The following CDC73 variants were observed in gnomAD, a reference collection of about 807,000 sequenced individuals.
CDC73 encodes the protein parafibromin.
CDC73 carries 21 observed loss-of-function variants against 83.7 expected under a neutral mutation model. The observed-to-expected ratio is 0.25, with a 90% CI of 0.18 to 0.36. CDC73 has a LOEUF of 0.36. Ranked by LOEUF, CDC73 falls within the 10% of genes least tolerant of loss-of-function variation. The probability of loss-of-function intolerance (pLI) is 1.00; values close to 1 mark genes in which losing one functional copy is unlikely to be tolerated. For synonymous variants in CDC73, 224 were observed against 212.9 expected (o/e 1.05, Z -0.45); for missense variants, 342 against 653.3 (o/e 0.52, Z 5.19).
chr1:193,147,284 G>A (rs558918720), intron 7 of CDC73, among the ~76,000 whole-genome samples: 2 of 152,076 alleles, frequency 1.3e-5, no homozygotes, highest in South Asian at 4.1e-4. Flanking sequence ...GAGCCACCGT[G>A]CCCGGCCTTA....
intron 16 of CDC73, 114 bp downstream of exon 16, chr1:193,249,985 CA>C: frequency 1.1e-6 from 1 of 950,180 alleles, no homozygotes; most frequent in Non-Finnish European, 1.7e-6. Flanking sequence ...CTTCTTTCAA[CA>C]TTAACTTGAT....
chr1:193,192,682 C>T (rs911076399), intron 10 of CDC73, among the ~76,000 whole-genome samples: 1 of 152,144 alleles, frequency 6.6e-6, no homozygotes, highest in African/African-American at 2.4e-5. Context: ...TACTCAGACA[C>T]TGATATTCAG....
chr1:193,178,955 A>G (rs183779981), intron 10 of CDC73: 304 of 152,270 alleles, frequency 2.0e-3, no homozygotes, highest in African/African-American at 7.0e-3. Context: ...GAATAAAAAC[A>G]CTATTTTAGT....
intron 1 of CDC73, among the ~76,000 whole-genome samples, chr1:193,124,715 G>A (rs1675532775): frequency 6.6e-6 from 1 of 152,166 alleles, no homozygotes; most frequent in Admixed American, 6.5e-5. Context: ...TTTATCAAGA[G>A]CCATAGGATA....
intron 10 of CDC73, among the ~76,000 whole-genome samples, chr1:193,183,255 A>G (rs950475106): frequency 2.6e-5 from 4 of 151,540 alleles, no homozygotes; most frequent in African/African-American, 4.8e-5. Flanking sequence ...AATTTGAACA[A>G]ATATCTAAGG....
At position 193,246,377 on chromosome 1, in the gene CDC73, A is replaced by C. The variant is rs549517809; in HGVS notation, c.1418-3353A>C. Among the ~76,000 whole-genome samples, 3 of 152,206 alleles carry C rather than the reference A, an allele frequency of 2.0e-5. No homozygotes were observed. The South Asian group carries it at 6.2e-4, about 32-fold the overall frequency. ...ATTTATTGAAGACTGTCTTTTCCCC[A>C]GTGGAAGTTAAATTGTTCTTGTTTG... On this transcript the variant is annotated intron_variant, in intron 15 of 16. Coordinates refer to ENST00000367435, the MANE Select transcript of CDC73 (RefSeq NM_024529.5).
At chr1:193,166,370 G>T (rs550663329) in intron 10 of CDC73, among the ~76,000 whole-genome samples, 23 of 152,244 alleles carry the variant, frequency 1.5e-4, no homozygotes, top group African/African-American at 5.1e-4. Context: ...GCCCGGGCTG[G>T]TCTCTAACGA....
At chr1:193,189,179 C>A (rs1277460630) in intron 10 of CDC73, among the ~76,000 whole-genome samples, 1 of 152,124 alleles carries the variant, frequency 6.6e-6, no homozygotes, top group Non-Finnish European at 1.5e-5. Context: ...GTCTCAAACT[C>A]CTGACCTCAG....
intron 5 of CDC73, among the ~76,000 whole-genome samples, chr1:193,136,260 G>A (rs1041033718): frequency 6.6e-6 from 1 of 152,108 alleles, no homozygotes; most frequent in African/African-American, 2.4e-5. Context: ...AACAGATGGC[G>A]GGCCAGAATT....
chr1:193,153,239 T>C (rs1421246929), intron 10 of CDC73, among the ~76,000 whole-genome samples: 1 of 152,228 alleles, frequency 6.6e-6, no homozygotes, highest in Non-Finnish European at 1.5e-5. Flanking sequence ...GTTATTTCTA[T>C]ATATTCTGAC....
At chr1:193,179,344 G>A (rs1005250460) in intron 10 of CDC73, 2 of 152,316 alleles carry the variant, frequency 1.3e-5, no homozygotes, top group Non-Finnish European at 2.9e-5. Flanking sequence ...TCTTAAAAAT[G>A]TGTTGAATGA....
At chr1:193,134,843 G>A (rs1205842075) in intron 3 of CDC73, among the ~76,000 whole-genome samples, 1 of 152,124 alleles carries the variant, frequency 6.6e-6, no homozygotes, top group East Asian at 1.9e-4. Flanking sequence ...AACTCTAGAA[G>A]GATATATAAG....
intron 5 of CDC73, among the ~76,000 whole-genome samples, chr1:193,137,310 A>T (rs1675818879): frequency 6.6e-6 from 1 of 152,226 alleles, no homozygotes; most frequent in East Asian, 1.9e-4. Flanking sequence ...TAGGACATGA[A>T]TTGGAGCCCA....
chr1:193,198,402 T>G (rs1677037816), intron 10 of CDC73, among the ~76,000 whole-genome samples: 1 of 152,242 alleles, frequency 6.6e-6, no homozygotes, highest in African/African-American at 2.4e-5. Context: ...GGGAATTAGC[T>G]TAAATTCTTT....
chr1:193,223,737 A>G (rs1402773941), intron 13 of CDC73, among the ~76,000 whole-genome samples: 2 of 152,124 alleles, frequency 1.3e-5, no homozygotes, highest in East Asian at 1.9e-4. Context: ...TGCAAATCCA[A>G]TGAATAGCAG....
intron 6 of CDC73, among the ~76,000 whole-genome samples, chr1:193,140,541 T>A (rs1266636746): frequency 6.6e-6 from 1 of 152,194 alleles, no homozygotes; most frequent in Non-Finnish European, 1.5e-5. Flanking sequence ...CTGGCATCAC[T>A]ACTCTTGTGT....
chr1:193,241,006 A>G (rs1677846976), intron 15 of CDC73, among the ~76,000 whole-genome samples: 1 of 151,900 alleles, frequency 6.6e-6, no homozygotes, highest in Non-Finnish European at 1.5e-5. Context: ...GATATTTCCT[A>G]AGTTTATTTT....
intron 15 of CDC73, among the ~76,000 whole-genome samples, chr1:193,249,006 G>A (rs1426100889): frequency 6.6e-6 from 1 of 151,998 alleles, no homozygotes; most frequent in Non-Finnish European, 1.5e-5. Context: ...CAATTTTAAA[G>A]GAAGTTCTTC....
intron 10 of CDC73, among the ~76,000 whole-genome samples, chr1:193,182,771 G>C (rs558425705): frequency 3.3e-5 from 5 of 152,162 alleles, no homozygotes; most frequent in Admixed American, 3.3e-4. Context: ...TTTTGTTGTT[G>C]TTTTTAGTTT....
Sources: gnomAD v4.1 joint callset for allele counts (sites outside exome capture counted in the v4.1 genomes callset) on GRCh38, gnomAD v4.1.1 for gene constraint, MANE v1.5 for transcripts, NCBI Gene and HGNC (gene_info 2026-07-23, HGNC 2026-07-21) for gene names.